SGPL1: variants seen among roughly 807,000 people sequenced by gnomAD.
SGPL1 encodes the protein SP-lyase 1.
SGPL1 carries 37 observed loss-of-function variants against 68.9 expected under a neutral mutation model. That is an observed-to-expected ratio of 0.54 (90% CI 0.41 to 0.71). The LOEUF (loss-of-function observed/expected upper bound fraction) is 0.71, where lower values mean the gene tolerates loss of function less well. Among genes scored for constraint, SGPL1 ranks in the 30% least tolerant of loss-of-function variants. SGPL1 has a pLI of 0.00. For missense variants in SGPL1, 551 were observed against 704.6 expected, an observed-to-expected ratio of 0.78 and a Z score of 2.47; for synonymous variants, 236 against 248.5, an observed-to-expected ratio of 0.95 and a Z score of 0.47.
intron 2 of SGPL1, chr10:70,820,167 G>A (rs952008437): frequency 6.6e-6 from 1 of 152,098 alleles, no homozygotes; most frequent in Non-Finnish European, 1.5e-5. Context: ...AAACCTTTTG[G>A]TATCCTTCTT....
In SGPL1 at chr10:70,831,464, G is replaced by C. The variant is rs565144827; in HGVS notation, c.28-13009G>C. ...TCTGACTGACTGTCTTCAAGGTGAG[G>C]TTCCCATGACCTCCTCTTGGATTGG... On this transcript the variant is annotated intron_variant, in intron 2 of 14. Transcript: ENST00000373202. 2.6e-5 allele frequency among the ~76,000 whole-genome samples: 4 copies of C among 152,306 alleles called. No individual in the cohort carries two copies. In the South Asian group the frequency reaches 8.3e-4, roughly 32 times the overall value.
intron 4 of SGPL1, 94 bp downstream of exon 4, chr10:70,851,304 G>T (rs946216448): frequency 1.8e-6 from 2 of 1,128,494 alleles, no homozygotes; most frequent in African/African-American, 1.5e-5. Context: ...AAGTGGAGGG[G>T]TGATTTTGTC....
intron 2 of SGPL1, among the ~76,000 whole-genome samples, chr10:70,840,171 A>G (rs1426806357): frequency 6.6e-6 from 1 of 152,134 alleles, no homozygotes; most frequent in African/African-American, 2.4e-5. Flanking sequence ...CTGCCCATGA[A>G]TACTGAAAAT....
In SGPL1 at chr10:70,844,582, G is replaced by C; in HGVS notation, c.137G>C (p.Ser46Thr). Residue 46 changes from serine (S) to threonine (T), a missense_variant, in exon 3 of 15, where the codon AGT becomes ACT. Coordinates refer to ENST00000373202, the MANE Select transcript of SGPL1 (RefSeq NM_003901.4). ...GAGCCCTGGCAGCTAATTGCATGGA[G>C]TGTCGTGTGGACCCTGCTGATAGTC... ...KYEPWQLIAWSVVWTLLIVWG... is the reference protein window; with the variant it reads ...KYEPWQLIAWTVVWTLLIVWG... 6.2e-7 allele frequency: 1 copy of C among 1,614,178 alleles called. No individual in the cohort carries two copies. The highest frequency in any genetic ancestry group is 8.5e-7 in the Non-Finnish European group (1 of 1,180,020).
Position 70,844,511 on chromosome 10 carries a change from C to T in SGPL1, c.66C>T (p.Tyr22=), listed in dbSNP as rs775292351. 5 of 1,613,884 alleles carry T rather than the reference C, an allele frequency of 3.1e-6. No individual in the cohort carries two copies. Among genetic ancestry groups the T allele is most frequent in the Middle Eastern group, 1.6e-4 (1 of 6,084 alleles). ...FEPYLEILEV[Y]STKAKNYVNG... is the part of the protein sequence containing the mutation. ...CCTACTTAGAGATTTTGGAAGTATA[C>T]TCCACAAAAGCCAAGAATTATGTAA... Residue 22 remains tyrosine (Y), a synonymous_variant, in exon 3 of 15, where the codon TAC becomes TAT. Transcript: ENST00000373202.
intron 2 of SGPL1, among the ~76,000 whole-genome samples, chr10:70,843,712 G>A (rs1263624616): frequency 6.6e-6 from 1 of 152,206 alleles, no homozygotes; most frequent in East Asian, 1.9e-4. Context: ...GGTAAGATAT[G>A]GTTGCTGACT....
At chr10:70,840,573 G>T (rs1180007211) in intron 2 of SGPL1, among the ~76,000 whole-genome samples, 1 of 152,056 alleles carries the variant, frequency 6.6e-6, no homozygotes, top group Non-Finnish European at 1.5e-5. Flanking sequence ...TTAGAATGAT[G>T]CCAGGAGATG....
Position 70,844,647 on chromosome 10 carries a change from G to T in SGPL1, c.193+9G>T. 1 of 1,612,874 alleles carries T rather than the reference G, an allele frequency of 6.2e-7. No homozygotes were observed. The highest frequency in any genetic ancestry group is 8.5e-7 in the Non-Finnish European group (1 of 1,179,310). The stretch of plus-strand genomic sequence containing the variant: ...TGTCTTCCAGCCAGAGAGTAAGTAT[G>T]CTGTCTCCTCTGTAAAGGTATAGTG... On this transcript the variant is annotated intron_variant, in intron 3 of 14. Transcript: ENST00000373202.
intron 2 of SGPL1, among the ~76,000 whole-genome samples, chr10:70,825,639 C>G (rs1845419961): frequency 6.6e-6 from 1 of 152,130 alleles, no homozygotes; most frequent in South Asian, 2.1e-4. Context: ...TCTTAATTGC[C>G]TGGAGGGCCT....
At chr10:70,874,553 G>A (rs930096438) in intron 12 of SGPL1, among the ~76,000 whole-genome samples, 4 of 152,026 alleles carry the variant, frequency 2.6e-5, no homozygotes, top group African/African-American at 7.3e-5. Context: ...GGAGAACCCC[G>A]TCTCTACTAA....
Position 70,848,407 on chromosome 10 carries a change from G to A in SGPL1, c.194-2736G>A, listed in dbSNP as rs1359063576. 2.1e-5 allele frequency among the ~76,000 whole-genome samples: 3 copies of A among 144,244 alleles called. No homozygotes were observed. The Admixed American group carries it at 2.1e-4, about 10-fold the overall frequency. 94.6% of individuals were successfully genotyped at this position (144,244 alleles called of 152,430 possible). A position where few individuals can be genotyped will look rare whatever the true frequency, so the allele number is the denominator to read the frequency against. Reference sequence around the variant, plus strand: ...TGTACAACATGAAGTTTTCAAATGTGTAAGTTGTGGAATGGCTCAATCAAA... The same window carrying A: ...TGTACAACATGAAGTTTTCAAATGTATAAGTTGTGGAATGGCTCAATCAAA... On this transcript the variant is annotated intron_variant, in intron 3 of 14. Transcript: ENST00000373202.
At position 70,878,621 on chromosome 10, in the gene SGPL1, T is replaced by C. The variant is rs932251750; in HGVS notation, c.*1286T>C. ...TCCCTGCACCCTTGCGTTAAGCCAT[T>C]ATGTAATGAAAATGTGTTTGCTTGA... is the stretch of plus-strand genomic sequence containing the variant. On this transcript the variant is annotated 3_prime_UTR_variant, in exon 15 of 15. Coordinates refer to ENST00000373202, the MANE Select transcript of SGPL1 (RefSeq NM_003901.4). The C allele has an allele frequency of 6.6e-6, 1 of 152,228 alleles. No homozygotes were observed. Among genetic ancestry groups the C allele is most frequent in the Non-Finnish European group, 1.5e-5 (1 of 68,042 alleles). 9.4% of individuals were successfully genotyped at this position (152,228 alleles called of 1,614,324 possible). A position where few individuals can be genotyped will look rare whatever the true frequency, so the allele number is the denominator to read the frequency against.
intron 10 of SGPL1, among the ~76,000 whole-genome samples, chr10:70,871,591 C>T (rs368942965): frequency 6.6e-6 from 1 of 151,980 alleles, no homozygotes; most frequent in Non-Finnish European, 1.5e-5. Flanking sequence ...TACCGCAGAG[C>T]GTTTGAGGTC....
chr10:70,861,034 C>CTT (rs75728471), intron 7 of SGPL1, among the ~76,000 whole-genome samples: 160 of 136,760 alleles, frequency 1.2e-3, no homozygotes, highest in African/African-American at 3.8e-3. Context: ...TCTTTCTTTC[C>CTT]TTTTTTTTTT....
intron 5 of SGPL1, among the ~76,000 whole-genome samples, chr10:70,855,964 A>T (rs1589464175): frequency 6.6e-6 from 1 of 152,160 alleles, no homozygotes; most frequent in Non-Finnish European, 1.5e-5. Flanking sequence ...CTAGGAGCCA[A>T]CCAGGAGCCA....
intron 2 of SGPL1, among the ~76,000 whole-genome samples, chr10:70,824,045 C>T (rs1354710482): frequency 6.6e-6 from 1 of 151,990 alleles, no homozygotes; most frequent in African/African-American, 2.4e-5. Context: ...TAATATCAAC[C>T]CTAGACCTTA....
intron 2 of SGPL1, among the ~76,000 whole-genome samples, chr10:70,841,850 C>A (rs1845719593): frequency 6.6e-6 from 1 of 151,944 alleles, no homozygotes; most frequent in South Asian, 2.1e-4. Flanking sequence ...CATCTTCTAC[C>A]TTTTTTACCT....
At chr10:70,837,284 G>C (rs1845641465) in intron 2 of SGPL1, among the ~76,000 whole-genome samples, 1 of 151,472 alleles carries the variant, frequency 6.6e-6, no homozygotes, top group Non-Finnish European at 1.5e-5. Flanking sequence ...CCCCATGTTA[G>C]CCAGGCTGGT....
chr10:70,858,595 T>G (rs915701067), intron 6 of SGPL1, among the ~76,000 whole-genome samples: 3 of 152,266 alleles, frequency 2.0e-5, no homozygotes, highest in Non-Finnish European at 4.4e-5. Context: ...TCTGATCTTC[T>G]GTGCTTAAAA....
Sources: gnomAD v4.1 joint callset for allele counts (sites outside exome capture counted in the v4.1 genomes callset) on GRCh38, gnomAD v4.1.1 for gene constraint, MANE v1.5 for transcripts, NCBI Gene and HGNC (gene_info 2026-07-23, HGNC 2026-07-21) for gene names.